The following RARB variants were observed in gnomAD, a reference collection of about 807,000 sequenced individuals.
RARB encodes HBV-activated protein.
RARB carries 17 observed loss-of-function variants against 51.9 expected under a neutral mutation model. That is an observed-to-expected ratio of 0.33 (90% CI 0.22 to 0.49). The LOEUF (loss-of-function observed/expected upper bound fraction) is 0.49. RARB is among the 20% of genes least tolerant of loss of function. The pLI is 0.99. For missense variants in RARB, 369 were observed against 550.8 expected (o/e 0.67, Z 3.30); for synonymous variants, 215 against 195.4 (o/e 1.10, Z -0.84).
At chr3:25,215,304 CT>C (rs747864836) in intron 5 of RARB, among the ~76,000 whole-genome samples, 1 of 152,048 alleles carries the variant, frequency 6.6e-6, no homozygotes, top group Non-Finnish European at 1.5e-5. Flanking sequence ...ATTAATGTGA[CT>C]TTTTTTTAAG....
intron 2 of RARB, among the ~76,000 whole-genome samples, chr3:25,490,914 C>T (rs1018715703): frequency 5.3e-5 from 8 of 152,042 alleles, no homozygotes; most frequent in South Asian, 2.1e-4. Context: ...TGGAGAAGAG[C>T]GAAATCTTGC....
chr3:25,293,706 C>T (rs558932812), intron 5 of RARB, among the ~76,000 whole-genome samples: 3 of 150,604 alleles, frequency 2.0e-5, no homozygotes, highest in East Asian at 2.0e-4. Flanking sequence ...TCTTTGCTTT[C>T]GTCTGATTAA....
intron 2 of RARB, among the ~76,000 whole-genome samples, chr3:25,475,540 A>G (rs182331092): frequency 4.6e-5 from 7 of 152,362 alleles, no homozygotes; most frequent in African/African-American, 1.7e-4. Flanking sequence ...CAGAATTTAT[A>G]TAGGAAAGAA....
At chr3:25,099,213 C>T (rs1699354413) in intron 3 of RARB, among the ~76,000 whole-genome samples, 1 of 152,198 alleles carries the variant, frequency 6.6e-6, no homozygotes, top group South Asian at 2.1e-4. Flanking sequence ...GTTTGTCTGA[C>T]ATCCCTGAGG....
intron 3 of RARB, among the ~76,000 whole-genome samples, chr3:25,074,262 C>T (rs1405016325): frequency 6.6e-6 from 1 of 152,170 alleles, no homozygotes; most frequent in Non-Finnish European, 1.5e-5. Context: ...AACTATTTAC[C>T]AAGTCACAGT....
chr3:25,195,856 T>C (rs182372428), intron 5 of RARB, among the ~76,000 whole-genome samples: 16 of 152,164 alleles, frequency 1.1e-4, no homozygotes, highest in Admixed American at 7.2e-4. Context: ...AATAAAGTTA[T>C]ATAAATATAT....
chr3:25,230,636 C>A (rs1298238278), intron 5 of RARB, among the ~76,000 whole-genome samples: 1 of 151,804 alleles, frequency 6.6e-6, no homozygotes, highest in African/African-American at 2.4e-5. Flanking sequence ...ATACACATCA[C>A]CTGGTTTAAT....
chr3:25,250,798 A>G (rs1702698105), intron 5 of RARB, among the ~76,000 whole-genome samples: 1 of 152,162 alleles, frequency 6.6e-6, no homozygotes, highest in Admixed American at 6.5e-5. Flanking sequence ...CAATGCTGTC[A>G]TGTGATCTTC....
At chr3:24,881,142 C>T (rs1020089082) in intron 2 of RARB, among the ~76,000 whole-genome samples, 10 of 152,164 alleles carry the variant, frequency 6.6e-5, no homozygotes, top group African/African-American at 2.4e-4. Context: ...CCTTTCTCTC[C>T]TGCTGCCATG....
In RARB at chr3:25,573,672, G is replaced by A. The variant is rs1286740; in HGVS notation, c.609+3754G>A. ...CACATTCTCTGCAAGCTCTTAGTTC[G>A]GAGTTGAGCATTTTTAAAAAGAGCT... On this transcript the variant is annotated intron_variant, in intron 4 of 7. Transcript: ENST00000330688. Among the ~76,000 whole-genome samples, 355 of 152,122 alleles carry A rather than the reference G, an allele frequency of 2.3e-3. 1 individual carries two copies. Among genetic ancestry groups the A allele is most frequent in the Non-Finnish European group, 4.0e-3 (271 of 67,986 alleles).
At chr3:24,845,944 A>C (rs1459971063) in intron 1 of RARB, among the ~76,000 whole-genome samples, 1 of 152,200 alleles carries the variant, frequency 6.6e-6, no homozygotes, top group Non-Finnish European at 1.5e-5. Context: ...TACACTATGC[A>C]GGCACAGACT....
intron 2 of RARB, among the ~76,000 whole-genome samples, chr3:24,859,600 A>G (rs1451764467): frequency 1.3e-5 from 2 of 152,230 alleles, no homozygotes; most frequent in Non-Finnish European, 2.9e-5. Context: ...CTCAACCAAT[A>G]TAATCAGTAT....
chr3:25,042,489 C>T (rs1218619911), intron 2 of RARB, among the ~76,000 whole-genome samples: 1 of 152,200 alleles, frequency 6.6e-6, no homozygotes, highest in African/African-American at 2.4e-5. Context: ...TCATGACTTT[C>T]TCTTCAGCCA....
chr3:24,969,274 T>G (rs371823833), intron 2 of RARB, among the ~76,000 whole-genome samples: 3 of 152,114 alleles, frequency 2.0e-5, no homozygotes, highest in African/African-American at 7.2e-5. Context: ...ACAGCTGTTA[T>G]GAAAACCAGC....
intron 3 of RARB, among the ~76,000 whole-genome samples, chr3:25,080,326 TTA>T (rs1220591664): frequency 2.6e-5 from 4 of 152,220 alleles, no homozygotes; most frequent in African/African-American, 9.6e-5. Flanking sequence ...GTTTATCCAT[TTA>T]TATGTTAACA....
At chr3:25,054,764 C>G (rs977978737) in intron 2 of RARB, among the ~76,000 whole-genome samples, 3 of 152,078 alleles carry the variant, frequency 2.0e-5, no homozygotes, top group African/African-American at 7.2e-5. Context: ...GCCAGACAAC[C>G]CTGCTTTGGA....
At chr3:25,340,391 C>T (rs912817025) in intron 5 of RARB, among the ~76,000 whole-genome samples, 1 of 152,106 alleles carries the variant, frequency 6.6e-6, no homozygotes, top group Non-Finnish European at 1.5e-5. Flanking sequence ...TCATGCTAAG[C>T]CCTGTTTTCT....
chr3:25,198,324 AAG>A (rs1701297936), intron 5 of RARB, among the ~76,000 whole-genome samples: 2 of 152,112 alleles, frequency 1.3e-5, no homozygotes, highest in South Asian at 4.1e-4. Flanking sequence ...AAACAGCTAA[AAG>A]AAAATATTGG....
At chr3:25,313,061 T>TAGA in intron 5 of RARB, among the ~76,000 whole-genome samples, 1 of 152,368 alleles carries the variant, frequency 6.6e-6, no homozygotes, top group East Asian at 1.9e-4. Flanking sequence ...CTTTCCATGT[T>TAGA]AAGGCTTCCA....
Sources: allele counts gnomAD v4.1 joint callset (sites outside exome capture counted in the v4.1 genomes callset), GRCh38; gene constraint gnomAD v4.1.1; transcripts MANE v1.5; gene names NCBI Gene and HGNC (gene_info 2026-07-23, HGNC 2026-07-21).